Variants in WDR7 observed in about 807,000 individuals in gnomAD.
The protein encoded by WDR7 is WD repeat domain 7.
A neutral mutation model predicts 169.4 loss-of-function variants in WDR7; 46 were observed. The ratio of observed to expected loss-of-function variants is 0.27; its 90% CI spans 0.21 to 0.35. The LOEUF (loss-of-function observed/expected upper bound fraction) is 0.35, where lower values mean the gene tolerates loss of function less well. Among genes scored for constraint, WDR7 ranks in the 10% least tolerant of loss-of-function variants. The pLI is 1.00. For missense variants in WDR7, 1,534 were observed against 1,859.3 expected (o/e 0.83, Z 3.22); for synonymous variants, 612 against 666.8 (o/e 0.92, Z 1.27).
chr18:56,961,295 A>C lies in WDR7; in HGVS notation c.4065-1135A>C, dbSNP rs1026843528. 8.9e-4 allele frequency among the ~76,000 whole-genome samples: 135 copies of C among 152,192 alleles called. 2 individuals are homozygous for C. Among genetic ancestry groups the C allele is most frequent in the African/African-American group, 3.1e-3 (129 of 41,526 alleles). Reference sequence around the variant, plus strand: ...CATGCCCTGGTATATCTACCTCAGGAAAGCATTAGAGAAATGAGATTTTTT... The same window carrying C: ...CATGCCCTGGTATATCTACCTCAGGCAAGCATTAGAGAAATGAGATTTTTT... On this transcript the variant is annotated intron_variant, in intron 25 of 27. Transcript: ENST00000254442.
At chr18:56,983,902 C>T (rs2047678761) in intron 26 of WDR7, among the ~76,000 whole-genome samples, 2 of 151,970 alleles carry the variant, frequency 1.3e-5, no homozygotes, top group South Asian at 4.2e-4. Flanking sequence ...ACTTACATGC[C>T]ATTTTACACA....
At chr18:56,895,915 T>G (rs1050397528) in intron 21 of WDR7, among the ~76,000 whole-genome samples, 1 of 151,780 alleles carries the variant, frequency 6.6e-6, no homozygotes, top group Non-Finnish European at 1.5e-5. Context: ...TAGGCCAAAT[T>G]ATTCTAAAAT....
At chr18:56,963,520 A>C (rs1156592456) in intron 26 of WDR7, among the ~76,000 whole-genome samples, 1 of 152,080 alleles carries the variant, frequency 6.6e-6, no homozygotes, top group Non-Finnish European at 1.5e-5. Context: ...TGGGGGTAAA[A>C]ATTTCAGGGG....
At chr18:56,727,594 A>G (rs909690758) in intron 13 of WDR7, among the ~76,000 whole-genome samples, 2 of 152,144 alleles carry the variant, frequency 1.3e-5, no homozygotes, top group Non-Finnish European at 2.9e-5. Flanking sequence ...CTCACTGACT[A>G]TTAGGAGAAC....
intron 14 of WDR7, among the ~76,000 whole-genome samples, chr18:56,752,319 A>G (rs958527599): frequency 2.0e-5 from 3 of 152,160 alleles, no homozygotes; most frequent in African/African-American, 4.8e-5. Context: ...CCTGTTTCAC[A>G]TCTGGCCATT....
intron 21 of WDR7, 139 bp from the exon 22 acceptor site, chr18:56,923,783 A>T (rs954194477): frequency 2.6e-6 from 2 of 765,686 alleles, no homozygotes; most frequent in African/African-American, 1.8e-5. Flanking sequence ...TTTATCCAAG[A>T]TCTTGTGTAG....
chr18:56,729,125 G>A (rs1018202153), intron 13 of WDR7, among the ~76,000 whole-genome samples: 1 of 151,936 alleles, frequency 6.6e-6, no homozygotes, highest in African/African-American at 2.4e-5. Flanking sequence ...TATCAATAAG[G>A]GAAAGTCACT....
chr18:56,852,940 G>C (rs781152162), intron 20 of WDR7, among the ~76,000 whole-genome samples: 2 of 152,144 alleles, frequency 1.3e-5, no homozygotes, highest in Non-Finnish European at 2.9e-5. Flanking sequence ...TGCAGGTTCT[G>C]TAATAACATT....
chr18:56,791,044 C>T (rs1451425661), intron 19 of WDR7, among the ~76,000 whole-genome samples: 1 of 152,000 alleles, frequency 6.6e-6, no homozygotes, highest in Non-Finnish European at 1.5e-5. Flanking sequence ...AAAATATTTT[C>T]CTTGATTTAG....
intron 23 of WDR7, among the ~76,000 whole-genome samples, chr18:56,936,480 G>A (rs1037309610): frequency 2.0e-5 from 3 of 152,184 alleles, no homozygotes; most frequent in African/African-American, 7.2e-5. Context: ...AGGAAGAAAA[G>A]GAAAGGATGA....
intron 27 of WDR7, among the ~76,000 whole-genome samples, chr18:57,023,951 A>G (rs144365895): frequency 6.6e-6 from 1 of 152,340 alleles, no homozygotes; most frequent in East Asian, 1.9e-4. Context: ...ACAAGAGAAG[A>G]CTGCCATCAG....
intron 19 of WDR7, among the ~76,000 whole-genome samples, chr18:56,803,837 C>T (rs893942681): frequency 3.9e-5 from 6 of 152,048 alleles, no homozygotes; most frequent in African/African-American, 1.2e-4. Flanking sequence ...GGTCTTGCTC[C>T]GTCGCCCAGG....
intron 12 of WDR7, among the ~76,000 whole-genome samples, chr18:56,715,735 C>T (rs11877604): frequency 0.037 from 5,614 of 152,034 alleles, 302 homozygotes; most frequent in African/African-American, 0.12. Context: ...GATGGGAGGA[C>T]ATGAACAGAT....
At position 57,026,783 on chromosome 18, in the gene WDR7, C is replaced by T. The variant is rs927577451; in HGVS notation, c.4270-221C>T. 4.5e-4 allele frequency among the ~76,000 whole-genome samples: 68 copies of T among 152,318 alleles called. 1 individual carries two copies. The highest frequency in any genetic ancestry group is 1.5e-3 in the African/African-American group (63 of 41,562). On this transcript the variant is annotated intron_variant, in intron 27 of 27. Coordinates refer to ENST00000254442, the MANE Select transcript of WDR7 (RefSeq NM_015285.3). Reference sequence around the variant, plus strand: ...CCATGGACTCTCCTTTTGTCAGGTTCTACCCCTATAAAATTCCTCTAGATT... The same window carrying T: ...CCATGGACTCTCCTTTTGTCAGGTTTTACCCCTATAAAATTCCTCTAGATT...
At chr18:56,828,959 G>T (rs1203310106) in intron 20 of WDR7, among the ~76,000 whole-genome samples, 1 of 151,972 alleles carries the variant, frequency 6.6e-6, no homozygotes, top group East Asian at 1.9e-4. Flanking sequence ...TATAAAACCT[G>T]TCTTGCCCCT....
chr18:57,001,833 G>A (rs1249077316), intron 26 of WDR7, among the ~76,000 whole-genome samples: 1 of 152,052 alleles, frequency 6.6e-6, no homozygotes, highest in African/African-American at 2.4e-5. Context: ...TCACGTTTAT[G>A]TTTATCTGCC....
intron 14 of WDR7, among the ~76,000 whole-genome samples, chr18:56,742,755 G>C (rs1228149049): frequency 6.6e-6 from 1 of 152,124 alleles, no homozygotes; most frequent in Non-Finnish European, 1.5e-5. Flanking sequence ...AGGATGAGTA[G>C]ATATATTCAG....
At position 57,005,509 on chromosome 18, in the gene WDR7, C is replaced by T. The variant is rs190509402; in HGVS notation, c.4165-15236C>T. On this transcript the variant is annotated intron_variant, in intron 26 of 27. Coordinates refer to ENST00000254442, the MANE Select transcript of WDR7 (RefSeq NM_015285.3). The stretch of plus-strand genomic sequence containing the variant: ...CTGATAAACTTTAAGATTTCAAAGA[C>T]AAGCTAATATGAAATCTGGAAGACT... Among the ~76,000 whole-genome samples the T allele has an allele frequency of 6.4e-4, 97 of 152,154 alleles. 3 individuals carry two copies. In the South Asian group the frequency reaches 0.012, roughly 19 times the overall value.
rs548193280 is a variant in WDR7, at chr18:56,800,052, G to A, written c.3191-15979G>A. Among the ~76,000 whole-genome samples, 10 of 152,038 alleles carry A rather than the reference G, an allele frequency of 6.6e-5. No homozygotes were observed. The East Asian group carries it at 9.7e-4, about 15-fold the overall frequency. ...TTTGCTATGTTTTTATTTGTGGGAC[G>A]GGGTTAAAAATGAAAGTTTATATTC... On this transcript the variant is annotated intron_variant, in intron 19 of 27. Coordinates refer to ENST00000254442, the MANE Select transcript of WDR7 (RefSeq NM_015285.3).
Sources: gnomAD v4.1 joint callset for allele counts (sites outside exome capture counted in the v4.1 genomes callset) on GRCh38, gnomAD v4.1.1 for gene constraint, MANE v1.5 for transcripts, NCBI Gene and HGNC (gene_info 2026-07-23, HGNC 2026-07-21) for gene names.